The following MORN5 variants were observed in gnomAD, a reference collection of about 807,000 sequenced individuals.
MORN5 encodes MORN repeat containing 5, also known as MORN repeat-containing protein 5.
A neutral mutation model predicts 22.1 loss-of-function variants in MORN5; 21 were observed. That is an observed-to-expected ratio of 0.95 (90% CI 0.67 to 1.37). The LOEUF (loss-of-function observed/expected upper bound fraction) is 1.37. Ranked by LOEUF, MORN5 falls within the 40% of genes most tolerant of loss-of-function variation. MORN5 has a pLI of 0.00. For missense variants in MORN5, 211 were observed against 215.1 expected (o/e 0.98, Z 0.12); for synonymous variants, 73 against 74.0 (o/e 0.99, Z 0.07).
intron 3 of MORN5, among the ~76,000 whole-genome samples, 200 bp downstream of exon 3, chr9:122,169,956 C>T (rs553523125): frequency 2.4e-4 from 36 of 152,300 alleles, no homozygotes; most frequent in African/African-American, 7.9e-4. Flanking sequence ...AGCCAGAGGA[C>T]CATGGGCAAG....
intron 3 of MORN5, among the ~76,000 whole-genome samples, chr9:122,173,701 C>G (rs946573249): frequency 8.5e-5 from 13 of 152,188 alleles, no homozygotes; most frequent in Non-Finnish European, 1.0e-4. Context: ...AAAAGGTGCA[C>G]TCAATCTTCT....
At chr9:122,188,486 C>T (rs1829686557) in intron 4 of MORN5, among the ~76,000 whole-genome samples, 1 of 152,254 alleles carries the variant, frequency 6.6e-6, no homozygotes. Context: ...CAGCCTTCAA[C>T]ATTTGCCAAC....
chr9:122,169,755 A>G lies in MORN5; in HGVS notation c.306A>G (p.Ala102=). ...AGATCCTCAATGGCTTGAAGCCTGC[A>G]GGTACCCAGGCACCCACCCTTTCCT... is the stretch of plus-strand genomic sequence containing the variant. The part of the protein sequence containing the change: ...YTEILNGLKP[A]GMAQLTNMDP... Residue 102 remains alanine, a splice_region_variant and synonymous_variant, in exon 3 of 5, where the codon GCA becomes GCG. Coordinates refer to ENST00000373764, the MANE Select transcript of MORN5 (RefSeq NM_198469.4). 6.2e-7 allele frequency: 1 copy of G among 1,601,318 alleles called. No individual in the cohort carries two copies.
At chr9:122,166,691 C>T in intron 1 of MORN5, 77 bp from the exon 2 acceptor site, 1 of 1,364,266 alleles carries the variant, frequency 7.3e-7, no homozygotes, top group South Asian at 1.3e-5. Context: ...AACGGGGTTC[C>T]TGCTCACTCT....
chr9:122,185,207 C>A (rs533622694), intron 4 of MORN5, among the ~76,000 whole-genome samples: 8 of 151,638 alleles, frequency 5.3e-5, no homozygotes, highest in Non-Finnish European at 1.0e-4. Context: ...AGGCGCCCAC[C>A]ACCATGTTCA....
chr9:122,172,872 C>G (rs1224264040), intron 3 of MORN5, among the ~76,000 whole-genome samples: 1 of 152,192 alleles, frequency 6.6e-6, no homozygotes, highest in Admixed American at 6.5e-5. Flanking sequence ...TACTGTATGT[C>G]AGACGCTGGC....
chr9:122,196,783 C>T lies in MORN5; in HGVS notation c.440-3102C>T, dbSNP rs376922235. Among the ~76,000 whole-genome samples, 63 of 152,316 alleles carry T rather than the reference C, an allele frequency of 4.1e-4. No homozygotes were observed. In the East Asian group the frequency reaches 6.2e-3, roughly 15 times the overall value. ...TTATCTTTAATTTTTCTTCTGTGCA[C>T]AGTTATGACATAGGATATACTATGT... On this transcript the variant is annotated intron_variant, in intron 4 of 4. Coordinates refer to ENST00000373764, the MANE Select transcript of MORN5 (RefSeq NM_198469.4).
intron 3 of MORN5, among the ~76,000 whole-genome samples, chr9:122,173,149 T>G (rs1373569628): frequency 1.3e-5 from 2 of 152,100 alleles, no homozygotes; most frequent in African/African-American, 4.8e-5. Context: ...TGCCTGGCTC[T>G]CCCCGAACAT....
chr9:122,193,746 G>C (rs1444248510), intron 4 of MORN5, among the ~76,000 whole-genome samples: 3 of 152,236 alleles, frequency 2.0e-5, no homozygotes, highest in African/African-American at 7.2e-5. Context: ...ACCCAAACCA[G>C]GTCCTGAAGG....
At chr9:122,185,058 T>TC (rs1321170275) in intron 4 of MORN5, among the ~76,000 whole-genome samples, 15 of 152,188 alleles carry the variant, frequency 9.9e-5, no homozygotes, top group Non-Finnish European at 1.5e-5. Flanking sequence ...AACAAGTCTT[T>TC]CTTTTTTTTT....
chr9:122,175,881 G>A (rs1276446176), intron 4 of MORN5, among the ~76,000 whole-genome samples: 1 of 152,078 alleles, frequency 6.6e-6, no homozygotes, highest in African/African-American at 2.4e-5. Context: ...TTGGGAGGCC[G>A]AGGAGGGCGG....
chr9:122,169,568 C>G, intron 2 of MORN5, 77 bp from the exon 3 acceptor site: 1 of 934,096 alleles, frequency 1.1e-6, no homozygotes, highest in Non-Finnish European at 1.8e-6. Context: ...AAGGCCCCCA[C>G]TTCCCTTGAC....
intron 4 of MORN5, among the ~76,000 whole-genome samples, chr9:122,196,775 T>C (rs985906269): frequency 6.6e-6 from 1 of 152,236 alleles, no homozygotes; most frequent in African/African-American, 2.4e-5. Context: ...TAATTTTTCT[T>C]CTGTGCACAG....
chr9:122,160,162 G>A (rs2118729008), intron 1 of MORN5, 143 bp downstream of exon 1: 1 of 682,366 alleles, frequency 1.5e-6, no homozygotes, highest in East Asian at 2.6e-5. Context: ...TATCTAATAA[G>A]CAGCAAAGCT....
chr9:122,176,874 T>C (rs76764716), intron 4 of MORN5, among the ~76,000 whole-genome samples: 1,599 of 152,218 alleles, frequency 0.011, 26 homozygotes, highest in African/African-American at 0.037. Context: ...TGATTCTCCA[T>C]CTCAAAAAAT....
chr9:122,195,824 C>T (rs1829874707), intron 4 of MORN5, among the ~76,000 whole-genome samples: 1 of 152,150 alleles, frequency 6.6e-6, no homozygotes, highest in African/African-American at 2.4e-5. Flanking sequence ...GGGCAGAGTA[C>T]ATAAATTACT....
chr9:122,160,979 G>A (rs903021079), intron 1 of MORN5, among the ~76,000 whole-genome samples: 6 of 152,296 alleles, frequency 3.9e-5, no homozygotes, highest in South Asian at 2.1e-4. Context: ...AACATGATGC[G>A]ACAAGTAGAC....
At position 122,185,291 on chromosome 9, in the gene MORN5, C is replaced by T. The variant is rs1226904043; in HGVS notation, c.439+10664C>T. On this transcript the variant is annotated intron_variant, in intron 4 of 4. Transcript: ENST00000373764. ...AGGCTGGAGTGCAGTGGTGCGATCT[C>T]GGCTCACTGCAAGCTCCGCCTCCCG... Among the ~76,000 whole-genome samples, 21 of 151,988 alleles carry T rather than the reference C, an allele frequency of 1.4e-4. No individual in the cohort carries two copies. The South Asian group carries it at 2.1e-3, about 15-fold the overall frequency.
chr9:122,186,110 C>T (rs1829630683), intron 4 of MORN5, among the ~76,000 whole-genome samples: 1 of 152,220 alleles, frequency 6.6e-6, no homozygotes, highest in African/African-American at 2.4e-5. Flanking sequence ...AATCACACAT[C>T]CCTGCCAGCA....
Sources: allele counts gnomAD v4.1 joint callset (sites outside exome capture counted in the v4.1 genomes callset), GRCh38; gene constraint gnomAD v4.1.1; transcripts MANE v1.5; gene names NCBI Gene and HGNC (gene_info 2026-07-23, HGNC 2026-07-21).